The following MAGI1 variants were observed in gnomAD, a reference collection of about 807,000 sequenced individuals.
MAGI1 encodes membrane-associated guanylate kinase, WW and PDZ domain-containing protein 1.
A neutral mutation model predicts 139.9 loss-of-function variants in MAGI1; 58 were observed. The observed-to-expected ratio is 0.41, with a 90% confidence interval of 0.34 to 0.52. The LOEUF is 0.52. MAGI1 is among the 20% of genes least tolerant of loss of function. The pLI is 0.12. For synonymous variants in MAGI1, 812 were observed against 737.9 expected (o/e 1.10, Z -1.63); for missense variants, 1,874 against 1,901.6 (o/e 0.99, Z 0.27).
intron 2 of MAGI1, among the ~76,000 whole-genome samples, chr3:65,555,988 T>C (rs986345289): frequency 6.6e-6 from 1 of 152,234 alleles, no homozygotes; most frequent in Non-Finnish European, 1.5e-5. Flanking sequence ...TCAAATGTTA[T>C]AATTTTATGA....
chr3:65,775,896 C>A (rs1168078670), intron 1 of MAGI1, among the ~76,000 whole-genome samples: 2 of 150,148 alleles, frequency 1.3e-5, no homozygotes, highest in African/African-American at 4.9e-5. Context: ...GAGCCATGAT[C>A]ACATCACTGC....
chr3:65,431,753 G>A (rs1947472353), intron 10 of MAGI1, among the ~76,000 whole-genome samples: 1 of 151,984 alleles, frequency 6.6e-6, no homozygotes, highest in South Asian at 2.1e-4. Flanking sequence ...TTGGGAGGCT[G>A]AGTCAGGTGG....
intron 1 of MAGI1, among the ~76,000 whole-genome samples, chr3:65,657,448 AAC>A (rs1559760294): frequency 6.7e-6 from 1 of 148,760 alleles, no homozygotes; most frequent in East Asian, 2.1e-4. Flanking sequence ...AAAAAAAAAA[AAC>A]ACATAAATTT....
chr3:65,507,276 T>G (rs984154547), intron 2 of MAGI1, among the ~76,000 whole-genome samples: 4 of 152,240 alleles, frequency 2.6e-5, no homozygotes, highest in African/African-American at 9.6e-5. Context: ...TTTCCATTTG[T>G]TAACACATGC....
chr3:65,534,996 A>G (rs1327553642), intron 2 of MAGI1, among the ~76,000 whole-genome samples: 1 of 152,126 alleles, frequency 6.6e-6, no homozygotes, highest in Non-Finnish European at 1.5e-5. Flanking sequence ...ACAAGGCACC[A>G]TATGGCCCAG....
chr3:65,395,636 C>CAA (rs58806140), intron 13 of MAGI1, among the ~76,000 whole-genome samples: 322 of 19,162 alleles, frequency 0.017, 42 homozygotes, highest in East Asian at 0.034. Flanking sequence ...GACTCCATCT[C>CAA]AAAAAAAAAA....
intron 1 of MAGI1, among the ~76,000 whole-genome samples, chr3:65,657,457 AT>A (rs1478308191): frequency 6.6e-6 from 1 of 151,588 alleles, no homozygotes; most frequent in Non-Finnish European, 1.5e-5. Flanking sequence ...AAACACATAA[AT>A]TTGTCTTTGA....
intron 1 of MAGI1, among the ~76,000 whole-genome samples, chr3:65,831,073 C>T (rs2042499023): frequency 6.6e-6 from 1 of 152,140 alleles, no homozygotes; most frequent in East Asian, 1.9e-4. Context: ...GACTGGTCTG[C>T]ATTTGATTCT....
intron 9 of MAGI1, among the ~76,000 whole-genome samples, chr3:65,437,922 T>C (rs1161119415): frequency 6.6e-6 from 1 of 152,138 alleles, no homozygotes; most frequent in Non-Finnish European, 1.5e-5. Context: ...AAATAACAGA[T>C]GTTGATAAGG....
intron 2 of MAGI1, among the ~76,000 whole-genome samples, chr3:65,572,933 T>G (rs770473655): frequency 2.6e-5 from 4 of 151,782 alleles, no homozygotes; most frequent in Non-Finnish European, 4.4e-5. Flanking sequence ...ATTGTTTCTC[T>G]CCAACATTTA....
At chr3:65,598,726 G>C (rs569705181) in intron 2 of MAGI1, among the ~76,000 whole-genome samples, 1 of 152,260 alleles carries the variant, frequency 6.6e-6, no homozygotes, top group South Asian at 2.1e-4. Flanking sequence ...GGAGTGATAG[G>C]ATAGTGGATA....
chr3:65,677,576 A>C (rs2087276730), intron 1 of MAGI1, among the ~76,000 whole-genome samples: 1 of 152,194 alleles, frequency 6.6e-6, no homozygotes, highest in African/African-American at 2.4e-5. Context: ...AAGGTAGTTA[A>C]AAGTCAACAC....
chr3:65,655,663 T>G (rs1280806906), intron 1 of MAGI1, among the ~76,000 whole-genome samples: 1 of 152,194 alleles, frequency 6.6e-6, no homozygotes, highest in Non-Finnish European at 1.5e-5. Flanking sequence ...CACTCTTTGA[T>G]ATGGGAACTA....
At chr3:65,821,280 A>G (rs1279295462) in intron 1 of MAGI1, among the ~76,000 whole-genome samples, 1 of 152,180 alleles carries the variant, frequency 6.6e-6, no homozygotes. Context: ...TGGACTCCCC[A>G]AGATTGAATC....
At chr3:65,734,493 G>GGAAGAGAGAGAA (rs2034511700) in intron 1 of MAGI1, among the ~76,000 whole-genome samples, 1 of 150,186 alleles carries the variant, frequency 6.7e-6, no homozygotes, top group African/African-American at 2.5e-5. Flanking sequence ...GAAAGAAAGA[G>GGAAGAGAGAGAA]AGAAAGAGGA....
At chr3:65,785,333 C>T (rs2039298333) in intron 1 of MAGI1, among the ~76,000 whole-genome samples, 1 of 152,186 alleles carries the variant, frequency 6.6e-6, no homozygotes, top group Admixed American at 6.5e-5. Flanking sequence ...TGATTTCATT[C>T]TTCCCCCTTT....
intron 1 of MAGI1, among the ~76,000 whole-genome samples, chr3:65,662,078 A>G (rs2086231536): frequency 6.6e-6 from 1 of 152,156 alleles, no homozygotes; most frequent in South Asian, 2.1e-4. Context: ...ATTGCTGCCA[A>G]GAAAAAAACA....
At chr3:65,828,305 C>T (rs568568013) in intron 1 of MAGI1, among the ~76,000 whole-genome samples, 8 of 152,240 alleles carry the variant, frequency 5.3e-5, no homozygotes, top group Non-Finnish European at 1.2e-4. Flanking sequence ...CACAGGCTAA[C>T]TGTGGAGCTG....
At chr3:65,493,436 T>C in intron 3 of MAGI1, 76 bp downstream of exon 3, 2 of 1,583,602 alleles carry the variant, frequency 1.3e-6, no homozygotes, top group Non-Finnish European at 8.6e-7. Context: ...CCACAAAACA[T>C]TTTTGCCTGG....
Sources: gnomAD v4.1 joint callset for allele counts (sites outside exome capture counted in the v4.1 genomes callset) on GRCh38, gnomAD v4.1.1 for gene constraint, MANE v1.5 for transcripts, NCBI Gene and HGNC (gene_info 2026-07-23, HGNC 2026-07-21) for gene names.